MEGF9: variants seen among roughly 807,000 people sequenced by gnomAD.
MEGF9 encodes the protein multiple EGF like domains 9, also known as multiple epidermal growth factor-like domains protein 9.
Under a neutral mutation model 46.8 loss-of-function variants are expected in MEGF9, and 6 were observed. The ratio of observed to expected loss-of-function variants is 0.13; its 90% CI spans 0.07 to 0.25. MEGF9 has a LOEUF of 0.25. MEGF9 is among the 10% of genes least tolerant of loss of function. The pLI is 1.00. For missense variants in MEGF9, 683 were observed against 792.4 expected, an observed-to-expected ratio of 0.86 and a Z score of 1.66; for synonymous variants, 302 against 330.7, an observed-to-expected ratio of 0.91 and a Z score of 0.94.
At chr9:120,666,431 CTG>C (rs1343669116) in intron 1 of MEGF9, among the ~76,000 whole-genome samples, 8 of 152,144 alleles carry the variant, frequency 5.3e-5, no homozygotes, top group Non-Finnish European at 8.8e-5. Context: ...AAAAGCAAAA[CTG>C]TACTTTGAAA....
At chr9:120,708,107 TA>T (rs1423604844) in intron 1 of MEGF9, among the ~76,000 whole-genome samples, 1 of 151,722 alleles carries the variant, frequency 6.6e-6, no homozygotes, top group Non-Finnish European at 1.5e-5. Flanking sequence ...CCTGTAATCC[TA>T]GCACTTTGGG....
At chr9:120,657,437 T>G (rs981755691) in intron 2 of MEGF9, among the ~76,000 whole-genome samples, 29 of 152,386 alleles carry the variant, frequency 1.9e-4, no homozygotes, top group African/African-American at 6.3e-4. Flanking sequence ...TTTTCCTCTT[T>G]TACAGCTTCT....
At chr9:120,620,625 C>T (rs762305323) in intron 3 of MEGF9, among the ~76,000 whole-genome samples, 58 of 152,114 alleles carry the variant, frequency 3.8e-4, no homozygotes, top group African/African-American at 7.7e-4. Flanking sequence ...CTTTAATTGA[C>T]GACTCGAGGG....
chr9:120,628,327 G>A (rs973862531), intron 2 of MEGF9, among the ~76,000 whole-genome samples: 82 of 152,058 alleles, frequency 5.4e-4, no homozygotes, highest in African/African-American at 1.9e-3. Flanking sequence ...TGCAATAAGC[G>A]AGGCTTCTGG....
intron 2 of MEGF9, among the ~76,000 whole-genome samples, chr9:120,632,000 T>TC (rs1564416296): frequency 1.3e-5 from 2 of 152,048 alleles, no homozygotes; most frequent in Non-Finnish European, 2.9e-5. Flanking sequence ...CGATCTCAGC[T>TC]CACTGCAACC....
chr9:120,639,333 A>G (rs1232778589), intron 2 of MEGF9, among the ~76,000 whole-genome samples: 1 of 151,678 alleles, frequency 6.6e-6, no homozygotes, highest in African/African-American at 2.4e-5. Context: ...ACATGGTGAG[A>G]CCCTGTCTCC....
At chr9:120,667,210 T>A (rs2132326284) in intron 1 of MEGF9, among the ~76,000 whole-genome samples, 1 of 152,342 alleles carries the variant, frequency 6.6e-6, no homozygotes, top group Non-Finnish European at 1.5e-5. Context: ...GGGACCCAAC[T>A]AATGATTGAG....
In MEGF9 at chr9:120,714,321, G is replaced by A. The variant is rs538201124; in HGVS notation, c.38C>T (p.Pro13Leu). 4.7e-5 allele frequency: 63 copies of A among 1,337,278 alleles called. No homozygotes were observed. The South Asian group carries it at 1.1e-3, about 22-fold the overall frequency. 82.8% of individuals were successfully genotyped at this position (1,337,278 alleles called of 1,614,324 possible). ...CAACAGGGCGAGGCCGCCCAGGCTCGGCAGGCTCCTCATGGCGCGCTCGGC... is the reference window on the plus strand; with the variant it reads ...CAACAGGGCGAGGCCGCCCAGGCTCAGCAGGCTCCTCATGGCGCGCTCGGC... The part of the protein sequence containing the change: ...GGAERAMRSL[P>L]SLGGLALLCC... Residue 13 changes from proline to leucine, a missense_variant, in exon 1 of 6, where the codon CCG (proline) becomes CTG (leucine). By Grantham distance (98) the Pro-to-Leu change is moderately conservative. Around this residue, in one of 2 missense-constraint regions of MEGF9, gnomAD observed 370 missense variants for 371.3 expected, o/e 1.00. Transcript: ENST00000373930.
intron 1 of MEGF9, among the ~76,000 whole-genome samples, chr9:120,669,575 CAAA>C (rs796654931): frequency 1.5e-5 from 2 of 129,960 alleles, no homozygotes. Context: ...GATGTTTAGG[CAAA>C]AAAAAAAAGC....
At chr9:120,691,308 T>C in intron 1 of MEGF9, 2 of 313,544 alleles carry the variant, frequency 6.4e-6, no homozygotes, top group South Asian at 5.1e-5. Flanking sequence ...TAGTTGGTTG[T>C]GCAGGTGGGT....
At chr9:120,622,105 T>C (rs1287694480) in intron 3 of MEGF9, among the ~76,000 whole-genome samples, 1 of 152,220 alleles carries the variant, frequency 6.6e-6, no homozygotes, top group Non-Finnish European at 1.5e-5. Flanking sequence ...GAGATTTTTT[T>C]CTACCTTTCT....
chr9:120,686,128 C>T (rs1032583462), intron 1 of MEGF9, among the ~76,000 whole-genome samples: 5 of 139,384 alleles, frequency 3.6e-5, no homozygotes, highest in Admixed American at 7.8e-5. Context: ...CTTGCTCTGT[C>T]GCCTAGGCTG....
intron 2 of MEGF9, among the ~76,000 whole-genome samples, chr9:120,651,049 CA>C (rs1388941202): frequency 2.0e-5 from 3 of 152,046 alleles, no homozygotes; most frequent in African/African-American, 7.2e-5. Flanking sequence ...AATTTCTTGA[CA>C]AGAGCAAAAG....
At chr9:120,707,874 C>G (rs544564231) in intron 1 of MEGF9, among the ~76,000 whole-genome samples, 3 of 152,072 alleles carry the variant, frequency 2.0e-5, no homozygotes, top group Non-Finnish European at 4.4e-5. Context: ...GAAACCCCAT[C>G]TCTACTAAAA....
intron 1 of MEGF9, among the ~76,000 whole-genome samples, chr9:120,670,901 T>C (rs1327734185): frequency 2.0e-5 from 3 of 152,218 alleles, no homozygotes; most frequent in African/African-American, 4.8e-5. Context: ...CTGTTTAGTC[T>C]CCTGTTCCAT....
intron 1 of MEGF9, among the ~76,000 whole-genome samples, chr9:120,684,924 C>G (rs2043815311): frequency 6.6e-6 from 1 of 152,062 alleles, no homozygotes; most frequent in African/African-American, 2.4e-5. Context: ...AGCTCCACCT[C>G]CCAGGGTTCA....
intron 1 of MEGF9, among the ~76,000 whole-genome samples, chr9:120,662,391 C>G (rs1480659850): frequency 1.3e-5 from 2 of 152,194 alleles, no homozygotes; most frequent in Admixed American, 6.5e-5. Context: ...TCCATAAACT[C>G]TAACTGTACT....
intron 1 of MEGF9, among the ~76,000 whole-genome samples, chr9:120,699,570 T>A (rs78018689): frequency 1.3e-5 from 2 of 150,856 alleles, no homozygotes; most frequent in African/African-American, 4.9e-5. Flanking sequence ...TTTTTTTTTT[T>A]AAATTAGCTG....
At chr9:120,681,281 C>T (rs1223004656) in intron 1 of MEGF9, among the ~76,000 whole-genome samples, 1 of 152,114 alleles carries the variant, frequency 6.6e-6, no homozygotes, top group Non-Finnish European at 1.5e-5. Context: ...CCCTTGAAGG[C>T]GGCAGATTCC....
Sources: gnomAD v4.1 joint callset for allele counts (sites outside exome capture counted in the v4.1 genomes callset) on GRCh38, gnomAD v4.1.1 for gene constraint, gnomAD v4.1.1 regional missense constraint, MANE v1.5 for transcripts, NCBI Gene and HGNC (gene_info 2026-07-23, HGNC 2026-07-21) for gene names.